The following CLNK variants were observed in gnomAD, a reference collection of about 807,000 sequenced individuals.
CLNK encodes the protein cytokine dependent hematopoietic cell linker.
CLNK carries 74 observed loss-of-function variants against 68.6 expected under a neutral mutation model. The ratio of observed to expected loss-of-function variants is 1.08; its 90% CI spans 0.89 to 1.31. The LOEUF (loss-of-function observed/expected upper bound fraction) is 1.31, where lower values mean the gene tolerates loss of function less well. Ranked by LOEUF, CLNK falls within the 50% of genes most tolerant of loss-of-function variation. The probability of loss-of-function intolerance (pLI) is 0.00; values close to 1 mark genes in which losing one functional copy is unlikely to be tolerated. For synonymous variants in CLNK, 198 were observed against 172.2 expected, an observed-to-expected ratio of 1.15 and a Z score of -1.17; for missense variants, 553 against 515.3, an observed-to-expected ratio of 1.07 and a Z score of -0.71.
chr4:10,626,145 C>G (rs575417420), intron 2 of CLNK, among the ~76,000 whole-genome samples: 87 of 152,314 alleles, frequency 5.7e-4, no homozygotes, highest in African/African-American at 1.9e-3. Context: ...CAGTGTCCGC[C>G]TGCCCAGTAC....
intron 18 of CLNK, among the ~76,000 whole-genome samples, chr4:10,492,130 T>G (rs542297237): frequency 6.6e-6 from 1 of 152,314 alleles, no homozygotes; most frequent in South Asian, 2.1e-4. Context: ...TGATCTTCCC[T>G]AAAGAGCGAA....
chr4:10,699,512 A>ATATATATATATTT, the CLNK span, among the ~76,000 whole-genome samples: 7 of 32,744 alleles, frequency 2.1e-4, no homozygotes, highest in African/African-American at 8.1e-4. Context: ...ATATATATAT[A>ATATATATATATTT]TTTTTTTTTT....
intron 17 of CLNK, among the ~76,000 whole-genome samples, chr4:10,502,781 T>G (rs781346310): frequency 6.6e-6 from 1 of 151,770 alleles, no homozygotes; most frequent in African/African-American, 2.4e-5. Flanking sequence ...TTGTAGCCTA[T>G]GTTGAGGTGA....
At chr4:10,723,703 GC>G in the CLNK span, among the ~76,000 whole-genome samples, 249 of 152,174 alleles carry the variant, frequency 1.6e-3, 7 homozygotes, top group East Asian at 0.031. Context: ...TAATAATCAT[GC>G]CTACCCCACA....
At chr4:10,646,630 C>T (rs554432508) in intron 2 of CLNK, among the ~76,000 whole-genome samples, 5 of 152,066 alleles carry the variant, frequency 3.3e-5, no homozygotes, top group South Asian at 2.1e-4. Flanking sequence ...GCACAGAGTG[C>T]GACGTCCCAG....
chr4:10,699,513 T>A, the CLNK span, among the ~76,000 whole-genome samples: 1 of 62,052 alleles, frequency 1.6e-5, no homozygotes, highest in African/African-American at 8.2e-5. Flanking sequence ...TATATATATA[T>A]TTTTTTTTTT....
chr4:10,623,147 G>C (rs1023813212), intron 2 of CLNK, among the ~76,000 whole-genome samples: 5 of 152,134 alleles, frequency 3.3e-5, no homozygotes, highest in Admixed American at 3.3e-4. Context: ...ATTACCTACA[G>C]TTCTCATTCC....
chr4:10,707,771 G>T, the CLNK span, among the ~76,000 whole-genome samples: 5 of 152,264 alleles, frequency 3.3e-5, no homozygotes, highest in Admixed American at 2.0e-4. Flanking sequence ...CTTTTCTTTA[G>T]GACATAAGTG....
chr4:10,646,908 A>C (rs1723535545), intron 2 of CLNK, among the ~76,000 whole-genome samples: 1 of 152,232 alleles, frequency 6.6e-6, no homozygotes, highest in Admixed American at 6.5e-5. Context: ...TGCTGAACCA[A>C]GACTTTTGCT....
At chr4:10,679,688 C>T (rs910446330) in intron 1 of CLNK, among the ~76,000 whole-genome samples, 1 of 152,060 alleles carries the variant, frequency 6.6e-6, no homozygotes, top group African/African-American at 2.4e-5. Flanking sequence ...CAAACAACCC[C>T]ATCAAAAAGT....
At chr4:10,499,880 C>G (rs1667690521) in intron 18 of CLNK, among the ~76,000 whole-genome samples, 1 of 152,114 alleles carries the variant, frequency 6.6e-6, no homozygotes, top group Non-Finnish European at 1.5e-5. Context: ...AAGAACATCT[C>G]TCATATTGGA....
rs1054006337 is a variant in CLNK, at chr4:10,520,716, A to G, written c.772+75T>C. The G allele has an allele frequency of 1.2e-5, 14 of 1,137,446 alleles. No individual in the cohort carries two copies. In the South Asian group the frequency reaches 1.8e-4, roughly 15 times the overall value. The allele number at this position is 1,137,446 out of a possible 1,614,324, so 70.5% of individuals were successfully genotyped here. On this transcript the variant is annotated intron_variant, in intron 15 of 18. Coordinates refer to ENST00000226951, the MANE Select transcript of CLNK (RefSeq NM_052964.4). ...GCTCAGTGGCTCTGGGGTTCACAAC[A>G]GCTAAGTCACAGTGCCACAATATCA... is the stretch of plus-strand genomic sequence containing the variant.
chr4:10,616,842 A>G (rs1722256340), intron 2 of CLNK, among the ~76,000 whole-genome samples: 1 of 145,780 alleles, frequency 6.9e-6, no homozygotes, highest in Non-Finnish European at 1.5e-5. Context: ...TTTTTTTTCT[A>G]GAGAATTGTT....
At chr4:10,493,348 A>T (rs1338287112) in intron 18 of CLNK, among the ~76,000 whole-genome samples, 2 of 151,804 alleles carry the variant, frequency 1.3e-5, no homozygotes. Context: ...AGTACTATAA[A>T]CCTGGCAGCT....
chr4:10,518,428 C>A (rs1717926066), intron 15 of CLNK, among the ~76,000 whole-genome samples: 1 of 151,738 alleles, frequency 6.6e-6, no homozygotes, highest in African/African-American at 2.4e-5. Context: ...TTTAATTTAC[C>A]CTTATACACA....
chr4:10,583,528 G>T (rs1273367772), intron 4 of CLNK, among the ~76,000 whole-genome samples: 3 of 151,964 alleles, frequency 2.0e-5, no homozygotes, highest in Admixed American at 1.3e-4. Context: ...CTTGTGATCC[G>T]CCTGCTTTGG....
In CLNK at chr4:10,536,527, G is replaced by T. The variant is rs1577113462; in HGVS notation, c.602+3967C>A. Among the ~76,000 whole-genome samples, 3 of 152,156 alleles carry T rather than the reference G, an allele frequency of 2.0e-5. No individual in the cohort carries two copies. The South Asian group carries it at 6.2e-4, about 32-fold the overall frequency. ...TGTGCAGGTTTTTGCCCCATCAATA[G>T]TCAAATGTCAACCCTGTGACTTTAA... On this transcript the variant is annotated intron_variant, in intron 11 of 18. Transcript: ENST00000226951.
chr4:10,575,340 C>G (rs1472825500), intron 4 of CLNK, among the ~76,000 whole-genome samples: 1 of 152,240 alleles, frequency 6.6e-6, no homozygotes, highest in African/African-American at 2.4e-5. Flanking sequence ...CACACCATCC[C>G]TCTGTCTAGA....
At chr4:10,731,541 C>G in the CLNK span, among the ~76,000 whole-genome samples, 3 of 152,220 alleles carry the variant, frequency 2.0e-5, no homozygotes, top group African/African-American at 7.2e-5. Context: ...CTAAGAGGAA[C>G]TCTCTTTCAT....
Sources: allele counts gnomAD v4.1 joint callset (sites outside exome capture counted in the v4.1 genomes callset), GRCh38; gene constraint gnomAD v4.1.1; transcripts MANE v1.5; gene names NCBI Gene and HGNC (gene_info 2026-07-23, HGNC 2026-07-21).